The following TMEM74 variants were observed in gnomAD, a reference collection of about 807,000 sequenced individuals.
The protein encoded by TMEM74 is transmembrane protein 74.
Under a neutral mutation model 18.1 loss-of-function variants are expected in TMEM74, and 13 were observed. The observed-to-expected ratio is 0.72, with a 90% CI of 0.47 to 1.14. The LOEUF is 1.14. TMEM74 is among the 50% of genes most tolerant of loss of function. The pLI is 0.00. For missense variants in TMEM74, 372 were observed against 375.9 expected (o/e 0.99, Z 0.09); for synonymous variants, 159 against 146.6 (o/e 1.08, Z -0.61).
intron 1 of TMEM74, among the ~76,000 whole-genome samples, chr8:108,687,890 AC>A (rs61636349): frequency 0.44 from 67,081 of 151,826 alleles, 15,192 homozygotes; most frequent in East Asian, 0.7. Flanking sequence ...CTAACAGGCC[AC>A]GTACAGGTAC....
At chr8:108,640,038 A>G (rs1051785463) in intron 2 of TMEM74, among the ~76,000 whole-genome samples, 36 of 149,548 alleles carry the variant, frequency 2.4e-4, no homozygotes, top group African/African-American at 8.7e-4. Flanking sequence ...TACTTCTTCT[A>G]TGTCCCCTGT....
intron 1 of TMEM74, among the ~76,000 whole-genome samples, chr8:108,739,898 G>A (rs923603269): frequency 6.6e-5 from 10 of 152,078 alleles, no homozygotes; most frequent in Non-Finnish European, 1.5e-4. Flanking sequence ...CAATTTGAGA[G>A]AGAGAAGTGG....
chr8:108,745,814 T>A (rs1426225860), intron 1 of TMEM74, among the ~76,000 whole-genome samples: 1 of 152,076 alleles, frequency 6.6e-6, no homozygotes. Context: ...TAGTTAAAGA[T>A]CGACCCCTGA....
At chr8:108,651,191 A>G (rs563035529) in intron 2 of TMEM74, among the ~76,000 whole-genome samples, 1 of 152,312 alleles carries the variant, frequency 6.6e-6, no homozygotes, top group East Asian at 1.9e-4. Flanking sequence ...AAAAAAAAGT[A>G]CCACTATACT....
At chr8:108,676,310 T>G (rs1387464154) in intron 1 of TMEM74, among the ~76,000 whole-genome samples, 1 of 152,164 alleles carries the variant, frequency 6.6e-6, no homozygotes, top group South Asian at 2.1e-4. Context: ...ATCCCTCCAA[T>G]GGGACCCTAC....
At chr8:108,615,303 G>T (rs892580929) in intron 2 of TMEM74, among the ~76,000 whole-genome samples, 30 of 152,318 alleles carry the variant, frequency 2.0e-4, no homozygotes, top group Admixed American at 2.0e-3. Context: ...CCTAGGGAAT[G>T]GTTAGCACTC....
chr8:108,637,382 G>C (rs1812617136), intron 2 of TMEM74, among the ~76,000 whole-genome samples: 1 of 152,000 alleles, frequency 6.6e-6, no homozygotes. Context: ...CTAATCTCTG[G>C]AACCTATAAG....
chr8:108,633,720 T>C (rs578215094), intron 2 of TMEM74, among the ~76,000 whole-genome samples: 1 of 152,142 alleles, frequency 6.6e-6, no homozygotes, highest in Non-Finnish European at 1.5e-5. Flanking sequence ...AGCATGCTTG[T>C]GGAATTGTCA....
At chr8:108,657,627 G>A (rs1812832491) in intron 1 of TMEM74, among the ~76,000 whole-genome samples, 1 of 151,486 alleles carries the variant, frequency 6.6e-6, no homozygotes, top group South Asian at 2.1e-4. Context: ...TGAGGCAAAG[G>A]AGGTCAGGAG....
intron 1 of TMEM74, among the ~76,000 whole-genome samples, chr8:108,753,861 T>C (rs141267816): frequency 6.4e-4 from 97 of 152,250 alleles, no homozygotes; most frequent in African/African-American, 2.3e-3. Context: ...ATCAAGTGTA[T>C]TTTGTATCTA....
intron 2 of TMEM74, among the ~76,000 whole-genome samples, chr8:108,624,360 GC>G (rs1278008299): frequency 6.6e-6 from 1 of 151,988 alleles, no homozygotes; most frequent in African/African-American, 2.4e-5. Flanking sequence ...TTTTCCAGAA[GC>G]TTCTAAAGGT....
Position 108,784,061 on chromosome 8 carries a change from T to G in TMEM74, c.*120A>C. 3 of 851,024 alleles carry G rather than the reference T, an allele frequency of 3.5e-6. No individual in the cohort carries two copies. 52.7% of individuals were successfully genotyped at this position (851,024 alleles called of 1,614,324 possible). On this transcript the variant is annotated 3_prime_UTR_variant, in exon 2 of 2. Transcript: ENST00000297459. Reference sequence around the variant, plus strand: ...AGAGAACAAAAACACTTACTGGCTGTTGGTTTGTGAAATAAACTTTTCTTG... The same window carrying G: ...AGAGAACAAAAACACTTACTGGCTGGTGGTTTGTGAAATAAACTTTTCTTG...
At chr8:108,719,713 G>A (rs973551010) in intron 1 of TMEM74, among the ~76,000 whole-genome samples, 12 of 152,088 alleles carry the variant, frequency 7.9e-5, no homozygotes, top group Non-Finnish European at 2.9e-5. Context: ...GGCTAGTGGG[G>A]GGTGGGGAAA....
At chr8:108,735,948 T>C (rs1394307968) in intron 1 of TMEM74, among the ~76,000 whole-genome samples, 3 of 152,182 alleles carry the variant, frequency 2.0e-5, no homozygotes, top group African/African-American at 7.2e-5. Flanking sequence ...GCTTATTACT[T>C]GAATTGCTCA....
chr8:108,619,991 C>T (rs1812423418), intron 2 of TMEM74, among the ~76,000 whole-genome samples: 1 of 152,086 alleles, frequency 6.6e-6, no homozygotes, highest in African/African-American at 2.4e-5. Flanking sequence ...CCTCCTCTTC[C>T]TCTTCTTCCT....
chr8:108,643,879 T>A (rs1563738897), intron 2 of TMEM74, among the ~76,000 whole-genome samples: 1 of 152,110 alleles, frequency 6.6e-6, no homozygotes, highest in Admixed American at 6.6e-5. Context: ...AAATATTCCA[T>A]GCTCATGGAT....
intron 1 of TMEM74, among the ~76,000 whole-genome samples, chr8:108,736,988 A>G (rs930137011): frequency 1.3e-5 from 2 of 152,176 alleles, no homozygotes; most frequent in African/African-American, 4.8e-5. Flanking sequence ...GTTTCAAACT[A>G]TTCCTCAAAA....
At chr8:108,756,606 G>GA (rs1563543635) in intron 1 of TMEM74, among the ~76,000 whole-genome samples, 28 of 60,256 alleles carry the variant, frequency 4.6e-4, no homozygotes, top group African/African-American at 2.2e-3. Context: ...GAGAAAGGAA[G>GA]GAAGGAAGGA....
At chr8:108,643,443 A>G (rs1300359001) in intron 2 of TMEM74, among the ~76,000 whole-genome samples, 1 of 152,140 alleles carries the variant, frequency 6.6e-6, no homozygotes, top group Non-Finnish European at 1.5e-5. Flanking sequence ...ACTAATTTGT[A>G]TAGATATATT....
Sources: allele counts gnomAD v4.1 joint callset (sites outside exome capture counted in the v4.1 genomes callset), GRCh38; gene constraint gnomAD v4.1.1; transcripts MANE v1.5; gene names NCBI Gene and HGNC (gene_info 2026-07-23, HGNC 2026-07-21).